Variants in EPHB2 observed in about 807,000 individuals in gnomAD.
EPHB2 encodes EPH receptor B2.
EPHB2 carries 18 observed loss-of-function variants against 96.4 expected under a neutral mutation model. That is an observed-to-expected ratio of 0.19 (90% CI 0.13 to 0.28). The LOEUF (loss-of-function observed/expected upper bound fraction) is 0.28. Among genes scored for constraint, EPHB2 ranks in the 10% least tolerant of loss-of-function variants. EPHB2 has a pLI of 1.00. For synonymous variants in EPHB2, 506 were observed against 534.1 expected, an observed-to-expected ratio of 0.95 and a Z score of 0.72; for missense variants, 989 against 1,355.4, an observed-to-expected ratio of 0.73 and a Z score of 4.25.
intron 5 of EPHB2, among the ~76,000 whole-genome samples, chr1:22,865,653 G>A (rs529794336): frequency 3.3e-5 from 5 of 152,300 alleles, no homozygotes; most frequent in East Asian, 1.9e-4. Context: ...ATGTCTGTGC[G>A]AAGAGAGGGA....
chr1:22,879,608 G>A (rs10917324), intron 5 of EPHB2, among the ~76,000 whole-genome samples: 134,660 of 152,262 alleles, frequency 0.88, 61,825 homozygotes, highest in East Asian at 1. Flanking sequence ...TCAGCTCCTC[G>A]CCAGCTGTGT....
intron 3 of EPHB2, among the ~76,000 whole-genome samples, chr1:22,796,584 G>A (rs930490140): frequency 6.6e-6 from 1 of 152,184 alleles, no homozygotes; most frequent in African/African-American, 2.4e-5. Context: ...AAACAAAGGG[G>A]GCCAAGGCCA....
intron 6 of EPHB2, chr1:22,891,119 C>A (rs535711500): frequency 3.1e-5 from 14 of 456,038 alleles, no homozygotes; most frequent in African/African-American, 2.8e-4. Flanking sequence ...TTACTATCCC[C>A]CTTTTACAGA....
intron 1 of EPHB2, among the ~76,000 whole-genome samples, chr1:22,763,022 C>T (rs1002244589): frequency 6.6e-6 from 1 of 152,082 alleles, no homozygotes; most frequent in African/African-American, 2.4e-5. Flanking sequence ...ATTCCTACCT[C>T]GAGGCCCAGA....
In EPHB2 at chr1:22,756,521, G is replaced by A. The variant is rs143839654; in HGVS notation, c.62-24900G>A. 9.3e-3 allele frequency among the ~76,000 whole-genome samples: 1,423 copies of A among 152,282 alleles called. 27 individuals are homozygous for A. Among genetic ancestry groups the A allele is most frequent in the African/African-American group, 0.033 (1,363 of 41,558 alleles). On this transcript the variant is annotated intron_variant, in intron 1 of 15. Transcript: ENST00000374630. Reference sequence around the variant, plus strand: ...GCGGCTTTATCTGGGAGTCTCCGGAGGGTGTCCCGTCTGGGTTGAGCAGGC... The same window carrying A: ...GCGGCTTTATCTGGGAGTCTCCGGAAGGTGTCCCGTCTGGGTTGAGCAGGC...
intron 3 of EPHB2, among the ~76,000 whole-genome samples, chr1:22,788,747 G>GTTTTTTTTTTT (rs1302258024): frequency 1.1e-5 from 1 of 90,692 alleles, no homozygotes; most frequent in Non-Finnish European, 2.2e-5. Context: ...TTTGTCTTTT[G>GTTTTTTTTTTT]TTTTTGTTTT....
At chr1:22,786,649 A>C (rs1644615568) in intron 3 of EPHB2, among the ~76,000 whole-genome samples, 1 of 152,246 alleles carries the variant, frequency 6.6e-6, no homozygotes, top group African/African-American at 2.4e-5. Context: ...GGGGCCTATA[A>C]GGGAACCATT....
At chr1:22,903,383 G>A (rs144750364) in intron 9 of EPHB2, among the ~76,000 whole-genome samples, 103 of 152,392 alleles carry the variant, frequency 6.8e-4, no homozygotes, top group African/African-American at 2.4e-3. Context: ...CCAGGAAGCC[G>A]ATGCCCTGGC....
At position 22,711,051 on chromosome 1, in the gene EPHB2, A is replaced by AGCGG. The variant is rs1260697913; in HGVS notation, c.61+24_61+27dup. 1,393 of 145,986 alleles carry AGCGG rather than the reference A, an allele frequency of 9.5e-3. 29 individuals carry two copies. The highest frequency in any genetic ancestry group is 0.033 in the African/African-American group (1,319 of 39,906). 9.0% of individuals were successfully genotyped at this position (145,986 alleles called of 1,614,324 possible). ...TGCTCGCCGCCGTGGAAGGTGAGCG[A>AGCGG]GCGGGCGGGCGGGCGGGCGATGGGG... On this transcript the variant is annotated intron_variant, in intron 1 of 15. Coordinates refer to ENST00000374630, the MANE Select transcript of EPHB2 (RefSeq NM_017449.5).
intron 13 of EPHB2, among the ~76,000 whole-genome samples, chr1:22,910,068 A>T (rs1425641710): frequency 1.3e-5 from 2 of 152,096 alleles, no homozygotes; most frequent in Non-Finnish European, 2.9e-5. Flanking sequence ...GGCTCACAGG[A>T]TGGGAGGAGC....
chr1:22,808,660 A>G (rs1644962355), intron 3 of EPHB2, among the ~76,000 whole-genome samples: 1 of 152,220 alleles, frequency 6.6e-6, no homozygotes, highest in Non-Finnish European at 1.5e-5. Flanking sequence ...TTACTGAGTG[A>G]TATTTATATA....
At position 22,784,308 on chromosome 1, in the gene EPHB2, CAG is replaced by C; in HGVS notation, c.127-81_127-80del. The C allele has an allele frequency of 5.9e-6, 8 of 1,361,878 alleles. No homozygotes were observed. The highest frequency in any genetic ancestry group is 8.3e-6 in the Non-Finnish European group (8 of 959,960). 84.4% of individuals were successfully genotyped at this position (1,361,878 alleles called of 1,614,324 possible). On this transcript the variant is annotated intron_variant, in intron 2 of 15. Transcript: ENST00000374630. The surrounding 1 kb of genome is among the most constrained non-coding windows in gnomAD (Gnocchi z 5.1). ...CATTAGACTGGAGGGTTCCCTAAGG[CAG>C]AGTCTGTGTCTTCCACCTTAGACTG...
At chr1:22,729,217 G>C (rs1259450932) in intron 1 of EPHB2, among the ~76,000 whole-genome samples, 1 of 152,192 alleles carries the variant, frequency 6.6e-6, no homozygotes, top group African/African-American at 2.4e-5. Context: ...AGCAGCTTTG[G>C]AATGCCCCAT....
At chr1:22,864,815 G>A in intron 4 of EPHB2, 62 bp from the exon 5 acceptor site, 2 of 1,093,602 alleles carry the variant, frequency 1.8e-6, no homozygotes, top group Admixed American at 2.2e-5. Context: ...GGCACAGAGT[G>A]GTCACATGGG....
intron 3 of EPHB2, among the ~76,000 whole-genome samples, chr1:22,787,431 T>C (rs1464283742): frequency 6.6e-6 from 1 of 152,132 alleles, no homozygotes; most frequent in Non-Finnish European, 1.5e-5. Context: ...TGAGAAGGTA[T>C]ATTCATTACC....
chr1:22,895,563 C>T lies in EPHB2; in HGVS notation c.1683C>T (p.Ile561=), dbSNP rs1400301112. 1.2e-5 allele frequency: 19 copies of T among 1,614,130 alleles called. No individual in the cohort carries two copies. The highest frequency in any genetic ancestry group is 8.9e-5 in the East Asian group (4 of 44,900). ...GLVFLIAVVV[I]AIVCNRRGFE... is the part of the protein sequence containing the mutation. ...TCTTCCTCATTGCTGTGGTTGTCAT[C>T]GCCATCGTGTGTAACAGGTGGGTGG... is the stretch of plus-strand genomic sequence containing the variant. The change falls in exon 8 of 16, where the codon ATC becomes ATT. Residue 561 remains isoleucine (I), a synonymous_variant. Transcript: ENST00000374630.
At chr1:22,880,986 G>A (rs1488198341) in intron 5 of EPHB2, among the ~76,000 whole-genome samples, 1 of 152,248 alleles carries the variant, frequency 6.6e-6, no homozygotes, top group African/African-American at 2.4e-5. Context: ...AACTGGGCCA[G>A]GCATGGCAGG....
rs71020453 is a variant in EPHB2, at chr1:22,819,205, GTCTCTCTCTCTCTCTCTCTC to G, written c.811+34155_811+34174del. On this transcript the variant is annotated intron_variant, in intron 3 of 15. Coordinates refer to ENST00000374630, the MANE Select transcript of EPHB2 (RefSeq NM_017449.5). Reference sequence around the variant, plus strand: ...TCCACAGCCTGGTCGCCCAGCAGATGTCTCTCTCTCTCTCTCTCTCTCTCTCTCTCTCTCTCTCTCTCTCT... The same window carrying G: ...TCCACAGCCTGGTCGCCCAGCAGATGTCTCTCTCTCTCTCTCTCTCTCTCT... Among the ~76,000 whole-genome samples, 174 of 103,474 alleles carry G rather than the reference GTCTCTCTCTCTCTCTCTCTC, an allele frequency of 1.7e-3. 1 individual carries two copies. Among genetic ancestry groups the G allele is most frequent in the African/African-American group, 5.7e-3 (158 of 27,548 alleles). 67.9% of individuals were successfully genotyped at this position (103,474 alleles called of 152,430 possible). A position where few individuals can be genotyped will look rare whatever the true frequency, so the allele number is the denominator to read the frequency against.
chr1:22,747,961 A>G lies in EPHB2; in HGVS notation c.62-33460A>G, dbSNP rs374146391. Among the ~76,000 whole-genome samples, 12 of 152,350 alleles carry G rather than the reference A, an allele frequency of 7.9e-5. No individual in the cohort carries two copies. In the East Asian group the frequency reaches 2.3e-3, roughly 29 times the overall value. On this transcript the variant is annotated intron_variant, in intron 1 of 15. Coordinates refer to ENST00000374630, the MANE Select transcript of EPHB2 (RefSeq NM_017449.5). The stretch of plus-strand genomic sequence containing the variant: ...CACTGTGGTGGAGCTGTGTGAAGCC[A>G]GTAAAGAACCACATTTAAGGGCCTG...
Sources: gnomAD v4.1 joint callset for allele counts (sites outside exome capture counted in the v4.1 genomes callset) on GRCh38, gnomAD v4.1.1 for gene constraint, Gnocchi (gnomAD v3.1) non-coding constraint, MANE v1.5 for transcripts, NCBI Gene and HGNC (gene_info 2026-07-23, HGNC 2026-07-21) for gene names.